The following DPP6 variants were observed in gnomAD, a reference collection of about 807,000 sequenced individuals.
The protein encoded by DPP6 is A-type potassium channel modulatory protein DPP6.
In DPP6, 69 loss-of-function variants were observed where a neutral mutation model predicts 122.6. The observed-to-expected ratio is 0.56, with a 90% CI of 0.46 to 0.69. The LOEUF (loss-of-function observed/expected upper bound fraction) is 0.69, where lower values mean the gene tolerates loss of function less well. DPP6 is among the 30% of genes least tolerant of loss of function. The probability of loss-of-function intolerance (pLI) is 0.00; values close to 1 mark genes in which losing one functional copy is unlikely to be tolerated. For synonymous variants in DPP6, 418 were observed against 433.1 expected (o/e 0.97, Z 0.43); for missense variants, 928 against 1,116.9 (o/e 0.83, Z 2.41).
intron 5 of DPP6, among the ~76,000 whole-genome samples, chr7:154,589,084 A>G (rs1832650510): frequency 6.6e-6 from 1 of 152,138 alleles, no homozygotes; most frequent in African/African-American, 2.4e-5. Flanking sequence ...TTGAAATATC[A>G]TTTGGAAACC....
Position 154,654,659 on chromosome 7 carries a change from C to T in DPP6, c.681-14701C>T, listed in dbSNP as rs1185662161. Among the ~76,000 whole-genome samples the T allele has an allele frequency of 2.0e-5, 3 of 151,948 alleles. No individual in the cohort carries two copies. The East Asian group carries it at 5.8e-4, about 29-fold the overall frequency. On this transcript the variant is annotated intron_variant, in intron 6 of 25. Transcript: ENST00000377770. ...GTCTCAACTCCTGACCTTCTCTGAT[C>T]CTCCTGCCTTGGCGTCCCAAAGTGC...
At chr7:153,839,295 G>C in the DPP6 span, among the ~76,000 whole-genome samples, 3 of 152,208 alleles carry the variant, frequency 2.0e-5, no homozygotes, top group Non-Finnish European at 4.4e-5. Context: ...AATTTGGTGG[G>C]TTAAAATCTG....
chr7:154,590,208 T>A (rs1832721471), intron 5 of DPP6, among the ~76,000 whole-genome samples: 1 of 152,170 alleles, frequency 6.6e-6, no homozygotes, highest in African/African-American at 2.4e-5. Flanking sequence ...GGTCACTTGT[T>A]TGGCAGAATG....
chr7:154,798,579 T>G (rs182167516), intron 12 of DPP6, among the ~76,000 whole-genome samples: 177 of 152,346 alleles, frequency 1.2e-3, no homozygotes, highest in Non-Finnish European at 1.9e-3. Context: ...ACAGGTGTGT[T>G]TTCCTGGGAT....
At chr7:154,776,826 C>T (rs1299438465) in intron 10 of DPP6, among the ~76,000 whole-genome samples, 2 of 152,206 alleles carry the variant, frequency 1.3e-5, no homozygotes, top group Non-Finnish European at 2.9e-5. Context: ...GACACCTCGT[C>T]TGTGGAGGGA....
intron 1 of DPP6, among the ~76,000 whole-genome samples, chr7:154,199,745 G>C (rs1279031179): frequency 6.6e-6 from 1 of 152,038 alleles, no homozygotes; most frequent in Admixed American, 6.6e-5. Flanking sequence ...GAGTAGCTGA[G>C]ATTACAGGCA....
chr7:154,865,366 C>T (rs924666897), intron 17 of DPP6: 1 of 152,236 alleles, frequency 6.6e-6, no homozygotes, highest in East Asian at 1.9e-4. Flanking sequence ...ACCACAGGTT[C>T]TCCAAGGGTT....
rs112675156 is a variant in DPP6 at position 154,760,010 on chromosome 7, C to T, written c.884-9407C>T. ...TGGTGGTGCACACCTGTAGTCCCAG[C>T]TACTCGGGAGGCCGAGGCAGAAGAA... is the stretch of plus-strand genomic sequence containing the variant. On this transcript the variant is annotated intron_variant, in intron 8 of 25. Coordinates refer to ENST00000377770, the MANE Select transcript of DPP6 (RefSeq NM_130797.4). This position sits in a 1 kb window ranked among gnomAD's most constrained non-coding sequence, Gnocchi z 4.5. Among the ~76,000 whole-genome samples the T allele has an allele frequency of 0.029, 4,366 of 152,284 alleles. 78 individuals are homozygous for T. Among genetic ancestry groups the T allele is most frequent in the Non-Finnish European group, 0.033 (2,221 of 68,030 alleles).
At chr7:154,250,067 G>T (rs573038277) in intron 1 of DPP6, among the ~76,000 whole-genome samples, 7 of 152,004 alleles carry the variant, frequency 4.6e-5, no homozygotes, top group African/African-American at 1.7e-4. Flanking sequence ...GTTCTGTTCC[G>T]TTCTAATTAC....
chr7:154,405,677 A>AG (rs1391658623), intron 1 of DPP6, among the ~76,000 whole-genome samples: 1 of 152,234 alleles, frequency 6.6e-6, no homozygotes, highest in Admixed American at 6.5e-5. Context: ...CACTCTGCTC[A>AG]GGGGGTGGAC....
intron 1 of DPP6, among the ~76,000 whole-genome samples, chr7:154,278,199 A>C (rs938478331): frequency 6.6e-6 from 1 of 152,194 alleles, no homozygotes; most frequent in African/African-American, 2.4e-5. Context: ...AGTTGAGAGG[A>C]GTCCCGACTC....
At chr7:154,564,731 A>C (rs1491835) in intron 4 of DPP6, among the ~76,000 whole-genome samples, 72,302 of 152,062 alleles carry the variant, frequency 0.48, 18,521 homozygotes, top group East Asian at 0.84. Context: ...TCCAAATTCA[A>C]CCATGTGATA....
intron 1 of DPP6, among the ~76,000 whole-genome samples, chr7:153,942,266 C>T (rs567365633): frequency 2.6e-5 from 4 of 152,352 alleles, no homozygotes; most frequent in Non-Finnish European, 5.9e-5. Flanking sequence ...CTTCCCAGGG[C>T]TGGATTTTGC....
intron 1 of DPP6, among the ~76,000 whole-genome samples, chr7:154,061,618 G>GGC (rs1554448449): frequency 7.8e-6 from 1 of 128,440 alleles, no homozygotes; most frequent in East Asian, 2.3e-4. Context: ...TCCCATCACA[G>GGC]GGGGGGGAGG....
chr7:154,496,809 C>T (rs570143454), intron 3 of DPP6, among the ~76,000 whole-genome samples: 30 of 152,316 alleles, frequency 2.0e-4, no homozygotes, highest in African/African-American at 7.0e-4. Context: ...TAGAAGTGTT[C>T]ACGTGACACC....
chr7:154,751,609 CAAAAAAAA>C (rs11339562), intron 8 of DPP6, among the ~76,000 whole-genome samples: 1 of 87,388 alleles, frequency 1.1e-5, no homozygotes, highest in Non-Finnish European at 2.3e-5. Flanking sequence ...GACTCTGTCT[CAAAAAAAA>C]AAAAAAAAAA....
intron 1 of DPP6, among the ~76,000 whole-genome samples, chr7:154,028,459 C>T (rs1449724311): frequency 6.6e-6 from 1 of 151,574 alleles, no homozygotes; most frequent in African/African-American, 2.4e-5. Context: ...CCATTTTCTC[C>T]TCCTTCATGA....
At chr7:154,175,543 G>A (rs916842933) in intron 1 of DPP6, among the ~76,000 whole-genome samples, 1 of 152,076 alleles carries the variant, frequency 6.6e-6, no homozygotes, top group Admixed American at 6.5e-5. Context: ...CCAGGCCCTG[G>A]ACAGAAAATA....
chr7:154,203,636 A>T lies in DPP6; in HGVS notation c.243+150573A>T, dbSNP rs574460388. Among the ~76,000 whole-genome samples the T allele has an allele frequency of 5.3e-5, 8 of 152,358 alleles. No homozygotes were observed. In the South Asian group the frequency reaches 1.7e-3, roughly 32 times the overall value. ...CCTAATACATATGTGCGATGTGTGC[A>T]TGTAAGGGCAGGAGAGCAGGAGAGA... On this transcript the variant is annotated intron_variant, in intron 1 of 25. Coordinates refer to ENST00000377770, the MANE Select transcript of DPP6 (RefSeq NM_130797.4).
Sources: allele counts gnomAD v4.1 joint callset (sites outside exome capture counted in the v4.1 genomes callset), GRCh38; gene constraint gnomAD v4.1.1; non-coding constraint Gnocchi (gnomAD v3.1); transcripts MANE v1.5; gene names NCBI Gene and HGNC (gene_info 2026-07-23, HGNC 2026-07-21).